The following ERP44 variants were observed in gnomAD, a reference collection of about 807,000 sequenced individuals.
ERP44 encodes endoplasmic reticulum resident protein 44.
Under a neutral mutation model 53.4 loss-of-function variants are expected in ERP44, and 25 were observed. The observed-to-expected ratio is 0.47, with a 90% CI of 0.34 to 0.65. The LOEUF is 0.65. ERP44 is among the 30% of genes least tolerant of loss of function. The probability of loss-of-function intolerance (pLI) is 0.01; values close to 1 mark genes in which losing one functional copy is unlikely to be tolerated. For synonymous variants in ERP44, 145 were observed against 161.2 expected, an observed-to-expected ratio of 0.90 and a Z score of 0.76; for missense variants, 338 against 493.2, an observed-to-expected ratio of 0.69 and a Z score of 2.98.
chr9:100,069,137 A>AGGG (rs1018764400), intron 1 of ERP44, among the ~76,000 whole-genome samples: 1 of 152,052 alleles, frequency 6.6e-6, no homozygotes, highest in Non-Finnish European at 1.5e-5. Context: ...TCATGTACCC[A>AGGG]GGGACACAAA....
At chr9:100,013,153 T>C (rs561046029) in intron 8 of ERP44, among the ~76,000 whole-genome samples, 344 of 152,274 alleles carry the variant, frequency 2.3e-3, no homozygotes, top group Non-Finnish European at 3.8e-3. Flanking sequence ...CAGGGAATCT[T>C]GGAGAATTCA....
At chr9:100,052,622 C>CA in intron 3 of ERP44, 90 bp from the exon 4 acceptor site, 1 of 492,858 alleles carries the variant, frequency 2.0e-6, no homozygotes, top group Non-Finnish European at 3.8e-6. Flanking sequence ...TTGATATAGG[C>CA]ATAATAAACG....
In ERP44 at chr9:100,068,015, T is replaced by A. The variant is rs555086483; in HGVS notation, c.58-7843A>T. On this transcript the variant is annotated intron_variant, in intron 1 of 11. Coordinates refer to ENST00000262455, the MANE Select transcript of ERP44 (RefSeq NM_015051.3). The stretch of plus-strand genomic sequence containing the variant: ...AGCCCCCGCCAGGCCAGCCGCCCCG[T>A]CCGGGAGGGAGGTGGGGGGGTCAGT... Among the ~76,000 whole-genome samples the A allele has an allele frequency of 1.7e-4, 24 of 143,290 alleles. No individual in the cohort carries two copies. The East Asian group carries it at 5.1e-3, about 30-fold the overall frequency. 94.0% of individuals were successfully genotyped at this position (143,290 alleles called of 152,430 possible).
chr9:100,031,106 C>A (rs1437756873), intron 4 of ERP44, among the ~76,000 whole-genome samples: 1 of 151,968 alleles, frequency 6.6e-6, no homozygotes, highest in Non-Finnish European at 1.5e-5. Flanking sequence ...CCTTTATGGA[C>A]AGAACACGGG....
intron 8 of ERP44, among the ~76,000 whole-genome samples, chr9:100,013,499 C>G (rs1489856465): frequency 1.3e-5 from 2 of 151,898 alleles, no homozygotes; most frequent in Admixed American, 1.3e-4. Flanking sequence ...GCATTTTAAG[C>G]TGCTTTTCTT....
chr9:100,002,234 CTAT>C (rs1362623205), intron 10 of ERP44, among the ~76,000 whole-genome samples: 1 of 151,640 alleles, frequency 6.6e-6, no homozygotes, highest in Non-Finnish European at 1.5e-5. Flanking sequence ...ATTATTGTAG[CTAT>C]TATTATTTTA....
intron 1 of ERP44, among the ~76,000 whole-genome samples, chr9:100,088,943 GAAAC>G (rs1288007464): frequency 5.3e-5 from 8 of 152,174 alleles, no homozygotes; most frequent in African/African-American, 1.9e-4. Context: ...GATGATTTCT[GAAAC>G]AAATAAGATA....
intron 4 of ERP44, among the ~76,000 whole-genome samples, chr9:100,031,729 G>T (rs1825792694): frequency 6.6e-6 from 1 of 152,030 alleles, no homozygotes; most frequent in Admixed American, 6.6e-5. Context: ...TTAATTAAAA[G>T]CAGATATTCA....
chr9:100,082,433 C>A (rs1393195701), intron 1 of ERP44, among the ~76,000 whole-genome samples: 2 of 150,886 alleles, frequency 1.3e-5, no homozygotes, highest in Non-Finnish European at 3.0e-5. Context: ...AAGATAAAGT[C>A]CACTAATAAC....
At chr9:100,093,120 GAAGT>G (rs1338186699) in intron 1 of ERP44, among the ~76,000 whole-genome samples, 1 of 152,112 alleles carries the variant, frequency 6.6e-6, no homozygotes, top group East Asian at 1.9e-4. Flanking sequence ...AACAAATAAT[GAAGT>G]AAGCTACAGT....
chr9:100,098,986 TC>T lies in ERP44; in HGVS notation c.-147del. 1.6e-6 allele frequency: 1 copy of T among 640,928 alleles called. No individual in the cohort carries two copies. Among genetic ancestry groups the T allele is most frequent in the Non-Finnish European group, 2.8e-6 (1 of 362,960 alleles). 39.7% of individuals were successfully genotyped at this position (640,928 alleles called of 1,614,324 possible). A position where few individuals can be genotyped will look rare whatever the true frequency, so the allele number is the denominator to read the frequency against. On this transcript the variant is annotated 5_prime_UTR_variant, in exon 1 of 12. Transcript: ENST00000262455. ...GGCACCTCGTCCTCTCGACCCGGGC[TC>T]CAGCGGCGAACACCCGGGACAACTT... is the stretch of plus-strand genomic sequence containing the variant.
intron 1 of ERP44, among the ~76,000 whole-genome samples, chr9:100,073,227 C>A (rs1826324000): frequency 6.6e-6 from 1 of 152,096 alleles, no homozygotes; most frequent in South Asian, 2.1e-4. Context: ...ATTTCACATT[C>A]TATAGCCAAA....
At chr9:100,072,562 G>T (rs1032705650) in intron 1 of ERP44, among the ~76,000 whole-genome samples, 1 of 152,130 alleles carries the variant, frequency 6.6e-6, no homozygotes. Flanking sequence ...TGCTCTTGTT[G>T]TCCAAGCTGG....
chr9:100,096,466 T>C (rs1164183718), intron 1 of ERP44, among the ~76,000 whole-genome samples: 1 of 152,094 alleles, frequency 6.6e-6, no homozygotes, highest in African/African-American at 2.4e-5. Flanking sequence ...TGAGCTTTTG[T>C]GTTTAGTTAC....
At chr9:100,058,570 T>A (rs1005120705) in intron 2 of ERP44, among the ~76,000 whole-genome samples, 1 of 152,244 alleles carries the variant, frequency 6.6e-6, no homozygotes, top group Non-Finnish European at 1.5e-5. Flanking sequence ...AACTAAGTTA[T>A]TTTTAAACCT....
chr9:100,043,387 G>A (rs1056971953), intron 4 of ERP44, among the ~76,000 whole-genome samples: 1 of 148,472 alleles, frequency 6.7e-6, no homozygotes, highest in Non-Finnish European at 1.5e-5. Flanking sequence ...CGTATGATTC[G>A]ATCTCAATCG....
chr9:100,013,487 T>C (rs1830497254), intron 8 of ERP44, among the ~76,000 whole-genome samples: 1 of 151,524 alleles, frequency 6.6e-6, no homozygotes, highest in South Asian at 2.1e-4. Flanking sequence ...ACATTAAGCA[T>C]GGCATTTTAA....
intron 10 of ERP44, among the ~76,000 whole-genome samples, chr9:99,990,477 C>G (rs1004808027): frequency 3.3e-5 from 5 of 152,138 alleles, no homozygotes; most frequent in African/African-American, 4.8e-5. Flanking sequence ...GAGATTTTGT[C>G]ACCACCAGGC....
At chr9:100,055,685 C>G (rs1826081369) in intron 3 of ERP44, among the ~76,000 whole-genome samples, 1 of 152,176 alleles carries the variant, frequency 6.6e-6, no homozygotes, top group East Asian at 1.9e-4. Flanking sequence ...GATTATCCTA[C>G]TTTGTACACC....
Sources: allele counts gnomAD v4.1 joint callset (sites outside exome capture counted in the v4.1 genomes callset), GRCh38; gene constraint gnomAD v4.1.1; transcripts MANE v1.5; gene names NCBI Gene and HGNC (gene_info 2026-07-23, HGNC 2026-07-21).